The following MX2 variants were observed in gnomAD, a reference collection of about 807,000 sequenced individuals.
MX2 encodes interferon-induced GTP-binding protein Mx2.
In MX2, 51 loss-of-function variants were observed where a neutral mutation model predicts 74.0. That is an observed-to-expected ratio of 0.69 (90% CI 0.55 to 0.87). MX2 has a LOEUF of 0.87. MX2 is among the 40% of genes least tolerant of loss of function. The pLI is 0.00. For missense variants in MX2, 832 were observed against 908.7 expected, an observed-to-expected ratio of 0.92 and a Z score of 1.09; for synonymous variants, 369 against 339.3, an observed-to-expected ratio of 1.09 and a Z score of -0.96.
At chr21:41,404,379 G>C (rs796470988) in intron 12 of MX2, 25 of 152,412 alleles carry the variant, frequency 1.6e-4, no homozygotes, top group African/African-American at 5.8e-4. Flanking sequence ...TCTGCTCCCA[G>C]AGGGTCTACT....
chr21:41,387,945 C>G (rs1037065466), intron 5 of MX2, among the ~76,000 whole-genome samples: 2 of 152,142 alleles, frequency 1.3e-5, no homozygotes, highest in African/African-American at 2.4e-5. Context: ...TTCTCCTCCT[C>G]TCACACGACA....
At chr21:41,367,267 T>C (rs181506106) in intron 1 of MX2, 96 of 152,330 alleles carry the variant, frequency 6.3e-4, no homozygotes, top group African/African-American at 2.2e-3. Flanking sequence ...TAACATAATT[T>C]CTTTATATTA....
chr21:41,386,277 G>A (rs1377465349), intron 5 of MX2, among the ~76,000 whole-genome samples: 1 of 124,792 alleles, frequency 8.0e-6, no homozygotes, highest in Non-Finnish European at 1.7e-5. Flanking sequence ...ATAAAGCGAA[G>A]CACAATAAAA....
intron 10 of MX2, chr21:41,399,596 C>T: frequency 2.8e-6 from 1 of 353,318 alleles, no homozygotes; most frequent in East Asian, 5.2e-5. Flanking sequence ...GACAGGGTCT[C>T]CCTCTGTTGC....
In MX2 at chr21:41,406,899, G is replaced by A. The variant is rs1400101509; in HGVS notation, c.1806G>A (p.Thr602=). The A allele has an allele frequency of 5.0e-6, 8 of 1,613,994 alleles. No homozygotes were observed. Among genetic ancestry groups the A allele is most frequent in the Non-Finnish European group, 6.8e-6 (8 of 1,180,012 alleles). Residue 602 remains threonine, a synonymous_variant, in exon 13 of 14, where the codon ACG becomes ACA. Transcript: ENST00000330714. ...AAGAGATTTTTAACCCTCTGGGGACGCCTTCACAGAATATGAAGTTGAACT... is the reference window on the plus strand; with the variant it reads ...AAGAGATTTTTAACCCTCTGGGGACACCTTCACAGAATATGAAGTTGAACT... ...VREEIFNPLG[T]PSQNMKLNSH... is the part of the protein sequence containing the mutation.
At chr21:41,407,256 C>T (rs1359881357) in intron 13 of MX2, among the ~76,000 whole-genome samples, 1 of 151,996 alleles carries the variant, frequency 6.6e-6, no homozygotes, top group East Asian at 1.9e-4. Flanking sequence ...TAATTCTGAC[C>T]CCAAAATTCC....
chr21:41,362,614 C>T (rs2089222615), intron 1 of MX2, among the ~76,000 whole-genome samples: 1 of 152,000 alleles, frequency 6.6e-6, no homozygotes, highest in Admixed American at 6.6e-5. Flanking sequence ...GGCCAGTTCC[C>T]AGCCAGTAGG....
intron 6 of MX2, among the ~76,000 whole-genome samples, chr21:41,394,747 C>T (rs1327519206): frequency 6.6e-6 from 1 of 152,006 alleles, no homozygotes; most frequent in Non-Finnish European, 1.5e-5. Context: ...TTGAGACCAG[C>T]CTGGCCAACA....
intron 10 of MX2, among the ~76,000 whole-genome samples, chr21:41,400,401 C>A (rs988613396): frequency 6.6e-6 from 1 of 152,168 alleles, no homozygotes; most frequent in Non-Finnish European, 1.5e-5. Flanking sequence ...AATTCAAGAT[C>A]AGAGAGATTC....
chr21:41,382,046 T>C lies in MX2; in HGVS notation c.578-364T>C, dbSNP rs180704547. Reference sequence around the variant, plus strand: ...CCCTATGTCCAGCCAATAGACTGGGTGCTTTTGGAGGGAGGAATGTTGAAG... The same window carrying C: ...CCCTATGTCCAGCCAATAGACTGGGCGCTTTTGGAGGGAGGAATGTTGAAG... On this transcript the variant is annotated intron_variant, in intron 4 of 13. Coordinates refer to ENST00000330714, the MANE Select transcript of MX2 (RefSeq NM_002463.2). 7.6e-3 allele frequency among the ~76,000 whole-genome samples: 1,165 copies of C among 152,334 alleles called. 19 individuals are homozygous for C. The highest frequency in any genetic ancestry group is 0.026 in the African/African-American group (1,099 of 41,560).
chr21:41,383,869 A>G (rs2089531997), intron 5 of MX2, among the ~76,000 whole-genome samples: 1 of 152,178 alleles, frequency 6.6e-6, no homozygotes, highest in African/African-American at 2.4e-5. Flanking sequence ...TGATTCATCC[A>G]TCAAGTTATG....
At chr21:41,397,916 G>A (rs1211663505) in intron 8 of MX2, among the ~76,000 whole-genome samples, 1 of 152,082 alleles carries the variant, frequency 6.6e-6, no homozygotes, top group Non-Finnish European at 1.5e-5. Flanking sequence ...CAACAGGGGG[G>A]AAAAAGAAGA....
chr21:41,362,973 G>A (rs1310651970), intron 1 of MX2, among the ~76,000 whole-genome samples: 2 of 151,838 alleles, frequency 1.3e-5, no homozygotes, highest in Non-Finnish European at 2.9e-5. Flanking sequence ...TGCCCAGGCT[G>A]GTCTCAAACT....
intron 1 of MX2, chr21:41,365,709 G>A (rs1046791170): frequency 2.0e-5 from 3 of 152,280 alleles, no homozygotes; most frequent in East Asian, 1.9e-4. Flanking sequence ...GTGTCTTTGC[G>A]GTAGAATGAT....
intron 3 of MX2, among the ~76,000 whole-genome samples, chr21:41,378,284 T>C (rs79255075): frequency 0.038 from 4,596 of 122,012 alleles, 116 homozygotes; most frequent in African/African-American, 0.1. Flanking sequence ...GGAGACAGGC[T>C]GCTGGGAGAG....
chr21:41,378,969 C>T (rs2089451344), intron 3 of MX2, among the ~76,000 whole-genome samples: 1 of 152,182 alleles, frequency 6.6e-6, no homozygotes, highest in Admixed American at 6.5e-5. Context: ...TCCAAGGTTG[C>T]CCAGAGCAAG....
intron 12 of MX2, among the ~76,000 whole-genome samples, chr21:41,405,701 C>CTTTTTTTTTTT (rs58741218): frequency 7.5e-6 from 1 of 133,788 alleles, no homozygotes. Context: ...TCTTTCTTTC[C>CTTTTTTTTTTT]TTTTTTTTTT....
At chr21:41,406,258 G>A (rs1022181943) in intron 12 of MX2, among the ~76,000 whole-genome samples, 2 of 152,234 alleles carry the variant, frequency 1.3e-5, no homozygotes, top group South Asian at 2.1e-4. Flanking sequence ...AAAGTGCTGG[G>A]ATTATAGGCA....
rs59005802 is a variant in MX2 at position 41,386,219 on chromosome 21, CAAAAAAAAAAAAA to C, written c.732+3673_732+3685del. On this transcript the variant is annotated intron_variant, in intron 5 of 13. Coordinates refer to ENST00000330714, the MANE Select transcript of MX2 (RefSeq NM_002463.2). The stretch of plus-strand genomic sequence containing the variant: ...TGGGCAACAGAGTAATACTCCATCT[CAAAAAAAAAAAAA>C]AAAAAAAAAAAAAAAAACAAATCTG... 2.7e-3 allele frequency among the ~76,000 whole-genome samples: 87 copies of C among 32,016 alleles called. 1 individual carries two copies. Among genetic ancestry groups the C allele is most frequent in the African/African-American group, 2.4e-3 (26 of 10,786 alleles). The allele number at this position is 32,016 out of a possible 152,430, so 21.0% of individuals were successfully genotyped here.
Sources: allele counts gnomAD v4.1 joint callset (sites outside exome capture counted in the v4.1 genomes callset), GRCh38; gene constraint gnomAD v4.1.1; transcripts MANE v1.5; gene names NCBI Gene and HGNC (gene_info 2026-07-23, HGNC 2026-07-21).